The following ZNF33B variants were observed in gnomAD, a reference collection of about 807,000 sequenced individuals.
The protein encoded by ZNF33B is zinc finger protein 11b (KOX 2).
ZNF33B carries 29 observed loss-of-function variants against 45.8 expected under a neutral mutation model. The observed-to-expected ratio is 0.63, with a 90% CI of 0.47 to 0.86. The LOEUF (loss-of-function observed/expected upper bound fraction) is 0.86, where lower values mean the gene tolerates loss of function less well. ZNF33B is among the 40% of genes least tolerant of loss of function. The pLI, the probability that ZNF33B is intolerant of heterozygous loss-of-function variation, is 0.00. For missense variants in ZNF33B, 831 were observed against 909.9 expected (o/e 0.91, Z 1.12); for synonymous variants, 305 against 307.8 (o/e 0.99, Z 0.10).
At chr10:42,575,212 G>T (rs1355152232) in intron 1 of ZNF33B, among the ~76,000 whole-genome samples, 2 of 152,294 alleles carry the variant, frequency 1.3e-5, no homozygotes, top group African/African-American at 2.4e-5. Flanking sequence ...TGCCCTGGAG[G>T]TTGGTGATTA....
chr10:42,633,152 T>C (rs370222657), intron 2 of ZNF33B, among the ~76,000 whole-genome samples: 72 of 152,358 alleles, frequency 4.7e-4, no homozygotes, highest in African/African-American at 1.6e-3. Flanking sequence ...GTAGAAAGCC[T>C]GACATTTTCT....
chr10:42,629,745 T>C (rs1411649792), intron 4 of ZNF33B, among the ~76,000 whole-genome samples: 2 of 152,210 alleles, frequency 1.3e-5, no homozygotes, highest in Admixed American at 6.5e-5. Context: ...CTGTTCCTTT[T>C]TTCTTATTTT....
chr10:42,616,318 GAA>G (rs1423412295), intron 4 of ZNF33B, among the ~76,000 whole-genome samples: 2 of 152,150 alleles, frequency 1.3e-5, no homozygotes, highest in Admixed American at 6.5e-5. Flanking sequence ...TAAAATTGGT[GAA>G]GAGTACAGTA....
In ZNF33B at chr10:42,601,480, T is replaced by G. The variant is rs1367182181; in HGVS notation, c.251-6781A>C. Among the ~76,000 whole-genome samples, 6 of 139,558 alleles carry G rather than the reference T, an allele frequency of 4.3e-5. No homozygotes were observed. The East Asian group carries it at 6.2e-4, about 14-fold the overall frequency. The allele number at this position is 139,558 out of a possible 152,430, so 91.6% of individuals were successfully genotyped here. On this transcript the variant is annotated intron_variant, in intron 4 of 4. Transcript: ENST00000359467. The stretch of plus-strand genomic sequence containing the variant: ...CTCACATGGGCTTGTTTTTTTTTTT[T>G]TTTTTTTTTTTTTGAGACACAGTCT...
At chr10:42,616,806 C>T (rs1225360513) in intron 4 of ZNF33B, among the ~76,000 whole-genome samples, 1 of 152,122 alleles carries the variant, frequency 6.6e-6, no homozygotes, top group East Asian at 1.9e-4. Context: ...AGCAATTCTC[C>T]TGCCTCAGCC....
At chr10:42,620,860 G>A (rs972269561) in intron 4 of ZNF33B, among the ~76,000 whole-genome samples, 3 of 152,170 alleles carry the variant, frequency 2.0e-5, no homozygotes, top group African/African-American at 7.2e-5. Flanking sequence ...ACTCAAAATA[G>A]ATTAAGTCAT....
intron 1 of ZNF33B, chr10:42,582,183 G>A (rs1441942803): frequency 6.6e-6 from 1 of 152,176 alleles, no homozygotes; most frequent in Non-Finnish European, 1.5e-5. Context: ...CACAGGGTTT[G>A]ATTATGACAG....
chr10:42,593,657 A>T lies in ZNF33B; in HGVS notation c.1293T>A (p.His431Gln). Residue 431 changes from histidine to glutamine, a missense_variant, in exon 5 of 5, where the codon CAT (histidine) becomes CAA (glutamine). Transcript: ENST00000359467. ...TFYQKSDLTK[H>Q]QRTHTGQKPY... ...GTTTCTGCCCTGTGTGTGTTCTCTGATGTTTAGTGAGGTCAGATTTCTGGT... is the reference window on the plus strand; with the variant it reads ...GTTTCTGCCCTGTGTGTGTTCTCTGTTGTTTAGTGAGGTCAGATTTCTGGT... 1.2e-6 allele frequency: 2 copies of T among 1,613,976 alleles called. No individual in the cohort carries two copies. Among genetic ancestry groups the T allele is most frequent in the Non-Finnish European group, 1.7e-6 (2 of 1,179,966 alleles).
intron 4 of ZNF33B, among the ~76,000 whole-genome samples, chr10:42,631,149 T>C (rs1398769134): frequency 2.0e-5 from 3 of 152,184 alleles, no homozygotes; most frequent in Admixed American, 6.5e-5. Flanking sequence ...ACACTTAATA[T>C]ACATAAACAT....
At chr10:42,598,097 A>C (rs1026115558) in intron 4 of ZNF33B, among the ~76,000 whole-genome samples, 54 of 152,346 alleles carry the variant, frequency 3.5e-4, no homozygotes, top group African/African-American at 1.3e-3. Flanking sequence ...AAGCCTGTGG[A>C]TATTTGCTTT....
At chr10:42,623,583 C>G (rs1196357190) in intron 4 of ZNF33B, among the ~76,000 whole-genome samples, 1 of 152,078 alleles carries the variant, frequency 6.6e-6, no homozygotes, top group African/African-American at 2.4e-5. Flanking sequence ...CACAAAAGGC[C>G]AAATGTTGTC....
intron 4 of ZNF33B, among the ~76,000 whole-genome samples, chr10:42,599,117 A>C (rs910120086): frequency 6.6e-6 from 1 of 152,186 alleles, no homozygotes; most frequent in Admixed American, 6.5e-5. Flanking sequence ...CTGATAATTT[A>C]CAGGTATAGT....
chr10:42,581,999 C>A (rs555352992), intron 1 of ZNF33B: 1 of 152,362 alleles, frequency 6.6e-6, no homozygotes, highest in African/African-American at 2.4e-5. Context: ...GCCTGTAATC[C>A]CAGCTACTCA....
In ZNF33B at chr10:42,591,592, T is replaced by G. The variant is rs1028717914; in HGVS notation, c.*1021A>C. 31 of 531,604 alleles carry G rather than the reference T, an allele frequency of 5.8e-5. No homozygotes were observed. Among genetic ancestry groups the G allele is most frequent in the Non-Finnish European group, 7.2e-5 (30 of 415,448 alleles). 32.9% of individuals were successfully genotyped at this position (531,604 alleles called of 1,614,324 possible). On this transcript the variant is annotated 3_prime_UTR_variant, in exon 5 of 5. Coordinates refer to ENST00000359467, the MANE Select transcript of ZNF33B (RefSeq NM_006955.3). ...TACCTACTTCCTATTCACAATTACG[T>G]TAAATACCATTATGCATATGAAACA... is the stretch of plus-strand genomic sequence containing the variant.
rs757667313 is a variant in ZNF33B at position 42,594,201 on chromosome 10, TTA to T, written c.747_748del (p.Tyr249Ter). ...ATCACAGAAAGTTCTCCCAAATTCA[TTA>T]TAGTCACAGTTATTCTCTTCTGCAT... On this transcript the variant is annotated stop_gained and frameshift_variant, in exon 5 of 5. Coordinates refer to ENST00000359467, the MANE Select transcript of ZNF33B (RefSeq NM_006955.3). LOFTEE classifies it low-confidence loss of function (END_TRUNC). 1 of 1,613,754 alleles carries T rather than the reference TTA, an allele frequency of 6.2e-7. No individual in the cohort carries two copies. Among genetic ancestry groups the T allele is most frequent in the Non-Finnish European group, 8.5e-7 (1 of 1,179,924 alleles).
At chr10:42,582,866 C>G in intron 1 of ZNF33B, 2 of 377,980 alleles carry the variant, frequency 5.3e-6, no homozygotes, top group Non-Finnish European at 5.0e-6. Context: ...AGTGCACTTC[C>G]TCAGTGCATC....
intron 4 of ZNF33B, among the ~76,000 whole-genome samples, chr10:42,608,868 T>G (rs1417223474): frequency 1.4e-5 from 2 of 148,132 alleles, no homozygotes; most frequent in African/African-American, 5.1e-5. Flanking sequence ...AACCTCTAAT[T>G]AGACTGACAA....
intron 1 of ZNF33B, among the ~76,000 whole-genome samples, chr10:42,581,296 G>A (rs971864060): frequency 4.0e-5 from 6 of 151,620 alleles, no homozygotes; most frequent in African/African-American, 1.2e-4. Context: ...GTGAAACCTC[G>A]TTACTAAAAA....
At chr10:42,625,730 C>T (rs1298764531) in intron 4 of ZNF33B, among the ~76,000 whole-genome samples, 1 of 152,260 alleles carries the variant, frequency 6.6e-6, no homozygotes, top group Non-Finnish European at 1.5e-5. Context: ...GCCACGGCCT[C>T]CCAAAGTACT....
Sources: gnomAD v4.1 joint callset for allele counts (sites outside exome capture counted in the v4.1 genomes callset) on GRCh38, gnomAD v4.1.1 for gene constraint, MANE v1.5 for transcripts, NCBI Gene and HGNC (gene_info 2026-07-23, HGNC 2026-07-21) for gene names.